Variants in ALDH1A2 observed in about 807,000 individuals in gnomAD.
ALDH1A2 encodes retinal dehydrogenase 2.
In ALDH1A2, 27 loss-of-function variants were observed where a neutral mutation model predicts 60.3. That is an observed-to-expected ratio of 0.45 (90% confidence interval 0.33 to 0.62). The LOEUF (loss-of-function observed/expected upper bound fraction) is 0.62, where lower values mean the gene tolerates loss of function less well. Among genes scored for constraint, ALDH1A2 ranks in the 20% least tolerant of loss-of-function variants. ALDH1A2 has a pLI of 0.02. For synonymous variants in ALDH1A2, 289 were observed against 232.4 expected, an observed-to-expected ratio of 1.24 and a Z score of -2.21; for missense variants, 581 against 643.8, an observed-to-expected ratio of 0.90 and a Z score of 1.06.
At chr15:58,002,275 C>A (rs1895300578) in intron 4 of ALDH1A2, among the ~76,000 whole-genome samples, 1 of 151,890 alleles carries the variant, frequency 6.6e-6, no homozygotes, top group Admixed American at 6.6e-5. Context: ...GCCCTTGCTG[C>A]TAGAGATCAA....
intron 1 of ALDH1A2, chr15:58,036,731 TTACTC>T (rs1566956705): frequency 6.6e-6 from 1 of 151,696 alleles, no homozygotes; most frequent in Non-Finnish European, 1.5e-5. Context: ...AATGACAAGA[TTACTC>T]TAAGGAAAGT....
At chr15:58,056,297 A>G (rs993161685) in intron 1 of ALDH1A2, among the ~76,000 whole-genome samples, 42 of 152,230 alleles carry the variant, frequency 2.8e-4, no homozygotes, top group African/African-American at 9.9e-4. Context: ...AGAGAAGACC[A>G]CACATTCTAG....
chr15:58,037,230 G>C (rs1896398445), intron 1 of ALDH1A2, among the ~76,000 whole-genome samples: 1 of 151,580 alleles, frequency 6.6e-6, no homozygotes, highest in African/African-American at 2.4e-5. Flanking sequence ...GTAGTAGACA[G>C]AGTCATAGAA....
chr15:58,034,975 G>T (rs1213176432), intron 1 of ALDH1A2, among the ~76,000 whole-genome samples: 3 of 151,616 alleles, frequency 2.0e-5, no homozygotes, highest in Non-Finnish European at 3.0e-5. Context: ...TTAGGGTAAC[G>T]ATGGCCTCAT....
In ALDH1A2 at chr15:58,017,813, T is replaced by C. The variant is rs183925415; in HGVS notation, c.118-3532A>G. 5.0e-3 allele frequency among the ~76,000 whole-genome samples: 757 copies of C among 152,204 alleles called. 8 individuals are homozygous for C. Among genetic ancestry groups the C allele is most frequent in the African/African-American group, 0.017 (727 of 41,544 alleles). ...TACTTCTGTAAATTATTCATAAAAA[T>C]AAAAATAAAAATAAAATGAATACAT... is the stretch of plus-strand genomic sequence containing the variant. On this transcript the variant is annotated intron_variant, in intron 1 of 12. Transcript: ENST00000249750.
At chr15:57,991,548 G>T (rs186127195) in intron 7 of ALDH1A2, 18 of 152,276 alleles carry the variant, frequency 1.2e-4, no homozygotes, top group African/African-American at 3.8e-4. Flanking sequence ...ACGGTAGCAC[G>T]CATGGCAATG....
intron 7 of ALDH1A2, among the ~76,000 whole-genome samples, chr15:57,988,105 CAAA>C (rs1490623982): frequency 6.6e-6 from 1 of 151,952 alleles, no homozygotes; most frequent in East Asian, 1.9e-4. Flanking sequence ...TATTCTTATT[CAAA>C]AAACAAATTT....
intron 7 of ALDH1A2, among the ~76,000 whole-genome samples, chr15:57,981,279 TAGA>T (rs1894494231): frequency 1.5e-5 from 2 of 134,548 alleles, no homozygotes; most frequent in Admixed American, 7.7e-5. Context: ...AGAAGTGAAA[TAGA>T]AGAGCAAACA....
At chr15:58,002,314 G>A (rs1219605881) in intron 4 of ALDH1A2, among the ~76,000 whole-genome samples, 6 of 151,754 alleles carry the variant, frequency 4.0e-5, no homozygotes, top group African/African-American at 7.3e-5. Context: ...CTATATTTGC[G>A]AACTACTGAG....
intron 1 of ALDH1A2, among the ~76,000 whole-genome samples, chr15:58,028,374 C>T (rs775712236): frequency 6.6e-6 from 1 of 152,192 alleles, no homozygotes; most frequent in African/African-American, 2.4e-5. Flanking sequence ...ACCACCAGTC[C>T]TGCCTTACAA....
chr15:58,027,400 A>C (rs548376272), intron 1 of ALDH1A2, among the ~76,000 whole-genome samples: 79 of 152,336 alleles, frequency 5.2e-4, no homozygotes, highest in African/African-American at 1.7e-3. Flanking sequence ...CACCAATATC[A>C]AAGACCAAAG....
At chr15:58,056,974 G>T (rs1896911344) in intron 1 of ALDH1A2, among the ~76,000 whole-genome samples, 1 of 152,090 alleles carries the variant, frequency 6.6e-6, no homozygotes, top group Non-Finnish European at 1.5e-5. Context: ...TATACTGGTG[G>T]TGGAAACTAG....
intron 1 of ALDH1A2, among the ~76,000 whole-genome samples, chr15:58,062,514 A>G (rs1897066637): frequency 6.6e-6 from 1 of 152,218 alleles, no homozygotes; most frequent in Non-Finnish European, 1.5e-5. Flanking sequence ...CAAAATTATA[A>G]AAGTCAGACT....
At chr15:58,032,004 G>A (rs1896253527) in intron 1 of ALDH1A2, among the ~76,000 whole-genome samples, 1 of 152,044 alleles carries the variant, frequency 6.6e-6, no homozygotes, top group African/African-American at 2.4e-5. Context: ...CCCATTACTG[G>A]GTATATACCC....
chr15:57,971,692 G>A (rs1470146748), intron 7 of ALDH1A2, among the ~76,000 whole-genome samples: 1 of 152,102 alleles, frequency 6.6e-6, no homozygotes, highest in Admixed American at 6.5e-5. Context: ...GAAAGCACTG[G>A]GATGACAGGC....
intron 1 of ALDH1A2, among the ~76,000 whole-genome samples, chr15:58,044,361 G>A (rs1282525597): frequency 6.6e-6 from 1 of 151,640 alleles, no homozygotes; most frequent in Admixed American, 6.6e-5. Flanking sequence ...TGTGTCCACG[G>A]GTTCTCATTG....
At chr15:57,981,074 G>T (rs569687601) in intron 7 of ALDH1A2, among the ~76,000 whole-genome samples, 1 of 151,954 alleles carries the variant, frequency 6.6e-6, no homozygotes, top group Non-Finnish European at 1.5e-5. Context: ...CCCCTTTATC[G>T]TTTCTTATTG....
chr15:57,988,631 T>C (rs1182872159), intron 7 of ALDH1A2, among the ~76,000 whole-genome samples: 1 of 152,206 alleles, frequency 6.6e-6, no homozygotes, highest in Non-Finnish European at 1.5e-5. Flanking sequence ...ATGGAAACAA[T>C]CTACATCTTG....
chr15:57,964,768 G>A (rs1014060853), intron 8 of ALDH1A2: 11 of 152,392 alleles, frequency 7.2e-5, no homozygotes, highest in South Asian at 4.1e-4. Flanking sequence ...TTAATCTGAC[G>A]TGCATTAGTT....
Sources: allele counts gnomAD v4.1 joint callset (sites outside exome capture counted in the v4.1 genomes callset), GRCh38; gene constraint gnomAD v4.1.1; transcripts MANE v1.5; gene names NCBI Gene and HGNC (gene_info 2026-07-23, HGNC 2026-07-21).